The following AK5 variants were observed in gnomAD, a reference collection of about 807,000 sequenced individuals.
The protein encoded by AK5 is adenylate kinase 5, also known as adenylate kinase isoenzyme 5.
AK5 carries 27 observed loss-of-function variants against 69.5 expected under a neutral mutation model. The ratio of observed to expected loss-of-function variants is 0.39; its 90% confidence interval spans 0.29 to 0.54. The LOEUF is 0.54. Among genes scored for constraint, AK5 ranks in the 20% least tolerant of loss-of-function variants. The pLI, the probability that AK5 is intolerant of heterozygous loss-of-function variation, is 0.71. For missense variants in AK5, 531 were observed against 700.4 expected (o/e 0.76, Z 2.73); for synonymous variants, 260 against 244.4 (o/e 1.06, Z -0.60).
chr1:77,512,192 T>C (rs1354559501), intron 10 of AK5, among the ~76,000 whole-genome samples: 3 of 152,172 alleles, frequency 2.0e-5, no homozygotes, highest in Non-Finnish European at 4.4e-5. Context: ...CTAAACTAGA[T>C]ACGTATATCT....
chr1:77,544,480 A>C (rs753839023), intron 13 of AK5, among the ~76,000 whole-genome samples: 2 of 152,192 alleles, frequency 1.3e-5, no homozygotes, highest in Non-Finnish European at 2.9e-5. Flanking sequence ...ACAGACGTAC[A>C]TAAATATTTT....
chr1:77,328,431 C>T (rs140088916), intron 5 of AK5, among the ~76,000 whole-genome samples: 2,322 of 151,082 alleles, frequency 0.015, 31 homozygotes, highest in Non-Finnish European at 0.026. Context: ...ACCCAGGAGG[C>T]GGAGGTTGCA....
chr1:77,364,445 A>G (rs1646916772), intron 6 of AK5, among the ~76,000 whole-genome samples: 1 of 152,176 alleles, frequency 6.6e-6, no homozygotes, highest in South Asian at 2.1e-4. Flanking sequence ...TAGTCATCCT[A>G]TAGTAGTATG....
chr1:77,461,277 C>T (rs947415697), intron 8 of AK5, among the ~76,000 whole-genome samples: 6 of 151,066 alleles, frequency 4.0e-5, no homozygotes, highest in Admixed American at 1.3e-4. Context: ...TCGTGATCCA[C>T]CCACCTCGAC....
intron 8 of AK5, among the ~76,000 whole-genome samples, chr1:77,452,127 C>T (rs1419690909): frequency 6.6e-6 from 1 of 152,074 alleles, no homozygotes; most frequent in African/African-American, 2.4e-5. Context: ...TTTTTTATAT[C>T]CCCGTAATCA....
intron 10 of AK5, among the ~76,000 whole-genome samples, chr1:77,513,156 T>C (rs1005714457): frequency 3.3e-5 from 5 of 152,210 alleles, no homozygotes; most frequent in African/African-American, 1.2e-4. Flanking sequence ...TGCAGAGCCC[T>C]TTCATGCTCC....
intron 5 of AK5, among the ~76,000 whole-genome samples, chr1:77,304,174 G>A (rs114172575): frequency 0.014 from 2,100 of 151,584 alleles, 29 homozygotes; most frequent in Non-Finnish European, 0.02. Context: ...CCTTATTACC[G>A]ACCCTTCCTG....
intron 8 of AK5, among the ~76,000 whole-genome samples, chr1:77,444,255 TGTGTATATATATAGTATATATA>T (rs1652541592): frequency 2.4e-5 from 1 of 42,246 alleles, no homozygotes; most frequent in Non-Finnish European, 4.7e-5. Context: ...ACACAACATA[TGTGTATATATATAGTATATATA>T]CACAACATAT....
rs1653036969 is a variant in AK5 at position 77,449,962 on chromosome 1, C to T, written c.1059+32247C>T. ...TTTTAAAACTAAATGTCTTTAACAA[C>T]ACCCAAGTCACATCTTGAATGCTTT... is the stretch of plus-strand genomic sequence containing the variant. On this transcript the variant is annotated intron_variant, in intron 8 of 13. Transcript: ENST00000354567. Among the ~76,000 whole-genome samples, 3 of 152,320 alleles carry T rather than the reference C, an allele frequency of 2.0e-5. No homozygotes were observed. In the South Asian group the frequency reaches 6.2e-4, roughly 32 times the overall value.
chr1:77,446,216 C>T (rs1652742378), intron 8 of AK5, among the ~76,000 whole-genome samples: 1 of 152,058 alleles, frequency 6.6e-6, no homozygotes, highest in African/African-American at 2.4e-5. Context: ...TTTTTGGTGC[C>T]CTTGCTGAAA....
chr1:77,454,769 A>G (rs1179605736), intron 8 of AK5, among the ~76,000 whole-genome samples: 1 of 144,076 alleles, frequency 6.9e-6, no homozygotes, highest in Non-Finnish European at 1.6e-5. Context: ...AGTCTTACAC[A>G]TTTTCTTGAG....
intron 10 of AK5, among the ~76,000 whole-genome samples, chr1:77,507,942 C>T (rs1244522173): frequency 6.6e-6 from 1 of 152,200 alleles, no homozygotes; most frequent in African/African-American, 2.4e-5. Context: ...ACCTAGTCTT[C>T]AATCAACATC....
At chr1:77,492,829 G>T (rs1225335489) in intron 10 of AK5, among the ~76,000 whole-genome samples, 3 of 152,184 alleles carry the variant, frequency 2.0e-5, no homozygotes, top group South Asian at 2.1e-4. Flanking sequence ...GAAGGTGGAG[G>T]GGGTACAGCC....
chr1:77,379,102 T>C (rs1647444777), intron 6 of AK5, among the ~76,000 whole-genome samples: 1 of 152,144 alleles, frequency 6.6e-6, no homozygotes, highest in Admixed American at 6.5e-5. Flanking sequence ...TCTTTGATCT[T>C]TGTGGGTCTG....
At chr1:77,552,692 T>C (rs1232051561) in intron 13 of AK5, among the ~76,000 whole-genome samples, 1 of 152,220 alleles carries the variant, frequency 6.6e-6, no homozygotes, top group Non-Finnish European at 1.5e-5. Context: ...ACTGGCATTA[T>C]GTTGAATGAC....
chr1:77,551,104 G>A (rs931640590), intron 13 of AK5, among the ~76,000 whole-genome samples: 3 of 152,212 alleles, frequency 2.0e-5, no homozygotes, highest in African/African-American at 7.2e-5. Context: ...TTGAACCCGG[G>A]AGGTGGGGGT....
chr1:77,510,116 G>A (rs946071409), intron 10 of AK5, among the ~76,000 whole-genome samples: 1 of 152,172 alleles, frequency 6.6e-6, no homozygotes, highest in African/African-American at 2.4e-5. Context: ...TATGTGAAAG[G>A]AGCAGAGTTG....
rs141811769 is a variant in AK5 at position 77,293,854 on chromosome 1, A to G, written c.309A>G (p.Gln103=). Residue 103 remains glutamine (Q), a synonymous_variant, in exon 3 of 14, where the codon CAA becomes CAG. Transcript: ENST00000354567. The stretch of plus-strand genomic sequence containing the variant: ...ATGACCGGCTCCCTCCAATCCATCA[A>G]TTCTCCATAGAAAGTGACACGGATC... ...RRYDRLPPIH[Q]FSIESDTDLS... The G allele has an allele frequency of 1.3e-4, 211 of 1,613,564 alleles. No homozygotes were observed. In the East Asian group the frequency reaches 2.8e-3, roughly 21 times the overall value.
At position 77,373,732 on chromosome 1, in the gene AK5, GAA is replaced by G. The variant is rs71075739; in HGVS notation, c.891+33175_891+33176del. Among the ~76,000 whole-genome samples, 12 of 143,724 alleles carry G rather than the reference GAA, an allele frequency of 8.3e-5. No individual in the cohort carries two copies. In the South Asian group the frequency reaches 8.7e-4, roughly 10 times the overall value. The allele number at this position is 143,724 out of a possible 152,430, so 94.3% of individuals were successfully genotyped here. A position where few individuals can be genotyped will look rare whatever the true frequency, so the allele number is the denominator to read the frequency against. ...CAGAGCAAGACTCCATCTCAAAAAAGAAAAAAAAAAAACAAAAAACATATGAT... is the reference window on the plus strand; with the variant it reads ...CAGAGCAAGACTCCATCTCAAAAAAGAAAAAAAAAACAAAAAACATATGAT... On this transcript the variant is annotated intron_variant, in intron 6 of 13. Coordinates refer to ENST00000354567, the MANE Select transcript of AK5 (RefSeq NM_174858.3).
Sources: allele counts gnomAD v4.1 joint callset (sites outside exome capture counted in the v4.1 genomes callset), GRCh38; gene constraint gnomAD v4.1.1; transcripts MANE v1.5; gene names NCBI Gene and HGNC (gene_info 2026-07-23, HGNC 2026-07-21).